The following CEP85L variants were observed in gnomAD, a reference collection of about 807,000 sequenced individuals.
CEP85L encodes the protein centrosomal protein 85L.
Under a neutral mutation model 100.3 loss-of-function variants are expected in CEP85L, and 60 were observed. That is an observed-to-expected ratio of 0.60 (90% CI 0.49 to 0.74). The LOEUF is 0.74. Among genes scored for constraint, CEP85L ranks in the 30% least tolerant of loss-of-function variants. The probability of loss-of-function intolerance (pLI) is 0.00; values close to 1 mark genes in which losing one functional copy is unlikely to be tolerated. For missense variants in CEP85L, 973 were observed against 936.2 expected (o/e 1.04, Z -0.51); for synonymous variants, 319 against 322.7 (o/e 0.99, Z 0.12).
chr6:118,475,967 G>A (rs1239912206), intron 10 of CEP85L, among the ~76,000 whole-genome samples: 1 of 152,042 alleles, frequency 6.6e-6, no homozygotes, highest in African/African-American at 2.4e-5. Flanking sequence ...ATTCATCCCA[G>A]AGATACTGAT....
chr6:118,578,409 G>C (rs1780367592), intron 2 of CEP85L, among the ~76,000 whole-genome samples: 4 of 152,190 alleles, frequency 2.6e-5, no homozygotes, highest in African/African-American at 9.6e-5. Flanking sequence ...AATGGGGAAA[G>C]GACACAGAAA....
rs186855414 is a variant in CEP85L, at chr6:118,513,942, G to A, written c.1140-2527C>T. On this transcript the variant is annotated intron_variant, in intron 4 of 12. Transcript: ENST00000368491. ...GAGGCAAAAAAAAATTTATATCCAC[G>A]TTGTATAACCTTTGTAGATGTAGAA... Among the ~76,000 whole-genome samples, 55 of 152,066 alleles carry A rather than the reference G, an allele frequency of 3.6e-4. 1 individual carries two copies. In the East Asian group the frequency reaches 7.3e-3, roughly 20 times the overall value.
intron 6 of CEP85L, among the ~76,000 whole-genome samples, chr6:118,486,868 T>C (rs933439036): frequency 1.3e-5 from 2 of 152,190 alleles, no homozygotes; most frequent in African/African-American, 2.4e-5. Flanking sequence ...CTCATTGTTT[T>C]TTCCCTAGTC....
rs1774578835 is a variant in CEP85L, at chr6:118,491,618, TGACA to T, written c.1437+64_1437+67del. 3 of 1,554,214 alleles carry T rather than the reference TGACA, an allele frequency of 1.9e-6. No individual in the cohort carries two copies. The highest frequency in any genetic ancestry group is 2.0e-5 in the Admixed American group (1 of 49,510). On this transcript the variant is annotated intron_variant, in intron 6 of 12. Coordinates refer to ENST00000368491, the MANE Select transcript of CEP85L (RefSeq NM_001042475.3). The stretch of plus-strand genomic sequence containing the variant: ...CTGGCATGACACCTGACAGGGTAAA[TGACA>T]GACAAATAATTATATGCTGAGGAAA...
At chr6:118,514,524 CA>C (rs561316113) in intron 4 of CEP85L, among the ~76,000 whole-genome samples, 176 of 87,520 alleles carry the variant, frequency 2.0e-3, no homozygotes, top group African/African-American at 5.2e-3. Context: ...GACACTGTCT[CA>C]AAAAAAAAAA....
intron 3 of CEP85L, among the ~76,000 whole-genome samples, chr6:118,541,957 T>C (rs1777920765): frequency 6.6e-6 from 1 of 152,096 alleles, no homozygotes; most frequent in Non-Finnish European, 1.5e-5. Flanking sequence ...CAAAAACAAA[T>C]CAAATTCATT....
intron 2 of CEP85L, among the ~76,000 whole-genome samples, chr6:118,575,175 C>A (rs761393234): frequency 6.6e-6 from 1 of 152,042 alleles, no homozygotes; most frequent in Non-Finnish European, 1.5e-5. Flanking sequence ...GGGAAATACC[C>A]CAGACAAGGC....
At chr6:118,591,370 A>G (rs1030087738) in intron 2 of CEP85L, among the ~76,000 whole-genome samples, 1 of 152,152 alleles carries the variant, frequency 6.6e-6, no homozygotes, top group African/African-American at 2.4e-5. Flanking sequence ...GTGGCAGATG[A>G]AAAACTGAAC....
At chr6:118,673,115 G>C (rs1194571935) in intron 1 of CEP85L, among the ~76,000 whole-genome samples, 10 of 152,216 alleles carry the variant, frequency 6.6e-5, no homozygotes, top group Middle Eastern at 3.4e-3. Flanking sequence ...CCAAGGTTGG[G>C]GGCAGGACAA....
chr6:118,645,659 G>A (rs1409310671), intron 1 of CEP85L, among the ~76,000 whole-genome samples: 1 of 152,036 alleles, frequency 6.6e-6, no homozygotes, highest in Non-Finnish European at 1.5e-5. Flanking sequence ...CTGACAGAGT[G>A]AGACACTGTC....
chr6:118,476,563 T>C (rs1773395816), intron 10 of CEP85L, among the ~76,000 whole-genome samples: 1 of 152,204 alleles, frequency 6.6e-6, no homozygotes, highest in Admixed American at 6.5e-5. Flanking sequence ...CTATAAGATA[T>C]TCCATTGACT....
At chr6:118,550,794 A>G (rs1447025114) in intron 3 of CEP85L, among the ~76,000 whole-genome samples, 1 of 151,938 alleles carries the variant, frequency 6.6e-6, no homozygotes, top group East Asian at 1.9e-4. Flanking sequence ...AAATTCAGAG[A>G]ATACAAACTT....
intron 1 of CEP85L, among the ~76,000 whole-genome samples, chr6:118,699,925 C>A (rs564975887): frequency 6.6e-6 from 1 of 152,130 alleles, no homozygotes; most frequent in African/African-American, 2.4e-5. Context: ...GAACTCTTGA[C>A]CTCAAGTGAT....
intron 1 of CEP85L, among the ~76,000 whole-genome samples, chr6:118,701,551 C>T (rs972866267): frequency 6.6e-5 from 10 of 152,234 alleles, no homozygotes; most frequent in South Asian, 6.2e-4. Context: ...CATATTCTCA[C>T]TTATAAGTGG....
intron 2 of CEP85L, among the ~76,000 whole-genome samples, chr6:118,578,444 C>G (rs368124034): frequency 6.6e-6 from 1 of 152,202 alleles, no homozygotes; most frequent in African/African-American, 2.4e-5. Flanking sequence ...GGAATAAAAA[C>G]CCTTTGGCCG....
chr6:118,506,233 G>A (rs1373175701), intron 5 of CEP85L, among the ~76,000 whole-genome samples: 1 of 152,132 alleles, frequency 6.6e-6, no homozygotes, highest in Non-Finnish European at 1.5e-5. Context: ...AGTGACTCAG[G>A]AGATAACTTG....
intron 3 of CEP85L, among the ~76,000 whole-genome samples, chr6:118,563,391 A>G (rs1417309917): frequency 6.6e-6 from 1 of 152,214 alleles, no homozygotes; most frequent in Non-Finnish European, 1.5e-5. Context: ...ATGAGATAAA[A>G]TACTGTGAAA....
chr6:118,650,683 G>T (rs1020789180), intron 1 of CEP85L, among the ~76,000 whole-genome samples: 1 of 152,134 alleles, frequency 6.6e-6, no homozygotes, highest in African/African-American at 2.4e-5. Context: ...CCGAAAACGC[G>T]CCCTAAAAGT....
intron 2 of CEP85L, among the ~76,000 whole-genome samples, chr6:118,605,110 G>A (rs1772101697): frequency 6.6e-6 from 1 of 152,142 alleles, no homozygotes; most frequent in African/African-American, 2.4e-5. Flanking sequence ...TGGAGGAAAA[G>A]CGCCAGGAAA....
Sources: allele counts gnomAD v4.1 joint callset (sites outside exome capture counted in the v4.1 genomes callset), GRCh38; gene constraint gnomAD v4.1.1; transcripts MANE v1.5; gene names NCBI Gene and HGNC (gene_info 2026-07-23, HGNC 2026-07-21).